Variants in SEZ6L observed in about 807,000 individuals in gnomAD.
SEZ6L encodes the protein seizure 6-like protein.
In SEZ6L, 37 loss-of-function variants were observed where a neutral mutation model predicts 106.2. That is an observed-to-expected ratio of 0.35 (90% CI 0.27 to 0.46). The LOEUF (loss-of-function observed/expected upper bound fraction) is 0.46. Ranked by LOEUF, SEZ6L falls within the 20% of genes least tolerant of loss-of-function variation. The pLI is 1.00. For missense variants in SEZ6L, 1,172 were observed against 1,332.8 expected, an observed-to-expected ratio of 0.88 and a Z score of 1.88; for synonymous variants, 541 against 570.4, an observed-to-expected ratio of 0.95 and a Z score of 0.73.
At chr22:26,367,504 C>T (rs1164570631) in intron 13 of SEZ6L, among the ~76,000 whole-genome samples, 1 of 151,920 alleles carries the variant, frequency 6.6e-6, no homozygotes. Context: ...CCACCACGCC[C>T]AGCTAAATTT....
Position 26,342,516 on chromosome 22 carries a change from C to G in SEZ6L, c.2212+1884C>G, listed in dbSNP as rs374740279. 3.9e-3 allele frequency among the ~76,000 whole-genome samples: 570 copies of G among 147,802 alleles called. 5 individuals carry two copies. Among genetic ancestry groups the G allele is most frequent in the African/African-American group, 0.014 (546 of 38,314 alleles). ...CATCCTGGCTAACACAGTGAAACCC[C>G]GTCTCTACTAAAAATACAAAAAAAA... On this transcript the variant is annotated intron_variant, in intron 10 of 16. Transcript: ENST00000248933.
At chr22:26,193,723 T>C (rs529831825) in intron 1 of SEZ6L, among the ~76,000 whole-genome samples, 21 of 152,320 alleles carry the variant, frequency 1.4e-4, no homozygotes, top group Middle Eastern at 3.4e-3. Context: ...GTCTCCATGA[T>C]ATACAGACTT....
rs548760895 is a variant in SEZ6L at position 26,331,223 on chromosome 22, AGAT to A, written c.2016-9211_2016-9209del. Among the ~76,000 whole-genome samples the A allele has an allele frequency of 3.9e-5, 6 of 152,304 alleles. No individual in the cohort carries two copies. The East Asian group carries it at 1.2e-3, about 29-fold the overall frequency. ...GTGAGCAGCAGGATTACATAACCAGAGATGGGTTCGCTGGTCTGTGTCAGATTC... is the reference window on the plus strand; with the variant it reads ...GTGAGCAGCAGGATTACATAACCAGAGGGTTCGCTGGTCTGTGTCAGATTC... On this transcript the variant is annotated intron_variant, in intron 9 of 16. Coordinates refer to ENST00000248933, the MANE Select transcript of SEZ6L (RefSeq NM_021115.5).
chr22:26,173,437 C>T (rs2123759301), intron 1 of SEZ6L, among the ~76,000 whole-genome samples: 1 of 152,342 alleles, frequency 6.6e-6, no homozygotes, highest in Admixed American at 6.5e-5. Flanking sequence ...ACACCCTTCC[C>T]TTCCAAACTC....
chr22:26,219,826 A>G (rs1225666073), intron 1 of SEZ6L, among the ~76,000 whole-genome samples: 1 of 152,228 alleles, frequency 6.6e-6, no homozygotes, highest in Non-Finnish European at 1.5e-5. Flanking sequence ...GAGTATCAGG[A>G]TAAATAGCTA....
rs369914459 is a variant in SEZ6L at position 26,378,969 on chromosome 22, AT to A, written c.3045+1195del. On this transcript the variant is annotated intron_variant, in intron 16 of 16. Transcript: ENST00000248933. ...ATACATTTATTATCTCATAGTTTCT[AT>A]AAGTCAGGAAGCCAGGCACAGCTTA... is the stretch of plus-strand genomic sequence containing the variant. Among the ~76,000 whole-genome samples the A allele has an allele frequency of 3.2e-3, 488 of 152,308 alleles. 2 individuals are homozygous for A. The highest frequency in any genetic ancestry group is 0.011 in the African/African-American group (458 of 41,562).
At chr22:26,233,223 G>C (rs2078855323) in intron 1 of SEZ6L, among the ~76,000 whole-genome samples, 1 of 152,198 alleles carries the variant, frequency 6.6e-6, no homozygotes, top group African/African-American at 2.4e-5. Context: ...GCCTTTCCCT[G>C]TCTCCAGCAG....
At chr22:26,264,070 AG>A (rs1262377288) in intron 1 of SEZ6L, among the ~76,000 whole-genome samples, 1 of 152,262 alleles carries the variant, frequency 6.6e-6, no homozygotes, top group African/African-American at 2.4e-5. Flanking sequence ...CAACATGGAC[AG>A]CTAAGATTAT....
intron 1 of SEZ6L, among the ~76,000 whole-genome samples, chr22:26,226,080 G>A (rs932062329): frequency 2.4e-4 from 37 of 152,074 alleles, no homozygotes; most frequent in Non-Finnish European, 5.1e-4. Context: ...CCACCACCCT[G>A]GTCTAAGCCA....
intron 13 of SEZ6L, 37 bp downstream of exon 13, chr22:26,365,603 C>T (rs1034242102): frequency 6.4e-7 from 1 of 1,562,010 alleles, no homozygotes; most frequent in African/African-American, 1.4e-5. Context: ...GTCCACGGGG[C>T]CTGGAGATGT....
chr22:26,227,084 C>T (rs1006255621), intron 1 of SEZ6L, among the ~76,000 whole-genome samples: 11 of 152,088 alleles, frequency 7.2e-5, no homozygotes, highest in Non-Finnish European at 1.2e-4. Flanking sequence ...ACATGTGCAC[C>T]GTGTCTATTT....
chr22:26,376,206 GAAA>G lies in SEZ6L; in HGVS notation c.2942+526_2942+528del, dbSNP rs35615266. Among the ~76,000 whole-genome samples, 1,014 of 149,244 alleles carry G rather than the reference GAAA, an allele frequency of 6.8e-3. 10 individuals carry two copies. The highest frequency in any genetic ancestry group is 0.024 in the African/African-American group (968 of 40,728). ...CTCGGTTCCAGAAACATCATTTGTG[GAAA>G]AAAAAAAATAGAAGGAAATATTTGC... On this transcript the variant is annotated intron_variant, in intron 15 of 16. Coordinates refer to ENST00000248933, the MANE Select transcript of SEZ6L (RefSeq NM_021115.5).
intron 3 of SEZ6L, 114 bp from the exon 4 acceptor site, chr22:26,296,774 G>T (rs2081313580): frequency 3.4e-6 from 3 of 870,254 alleles, no homozygotes; most frequent in Non-Finnish European, 4.9e-6. Flanking sequence ...GGGTCCCGTT[G>T]ACCAGGGGCT....
At chr22:26,223,104 T>C (rs9613132) in intron 1 of SEZ6L, among the ~76,000 whole-genome samples, 38,590 of 152,050 alleles carry the variant, frequency 0.25, 5,127 homozygotes, top group Middle Eastern at 0.32. Flanking sequence ...ACCTCCACCG[T>C]AGGAGTTGTA....
At chr22:26,188,591 G>A (rs1939959141) in intron 1 of SEZ6L, among the ~76,000 whole-genome samples, 1 of 152,204 alleles carries the variant, frequency 6.6e-6, no homozygotes, top group South Asian at 2.1e-4. Context: ...ACTAAGTCAT[G>A]ATATAGTGCT....
chr22:26,309,584 C>T (rs569517759), intron 6 of SEZ6L, among the ~76,000 whole-genome samples: 2 of 151,638 alleles, frequency 1.3e-5, no homozygotes, highest in South Asian at 4.2e-4. Flanking sequence ...GTCCTGTTAA[C>T]TATTTTTTTT....
At chr22:26,252,988 G>C (rs1187791405) in intron 1 of SEZ6L, among the ~76,000 whole-genome samples, 1 of 152,202 alleles carries the variant, frequency 6.6e-6, no homozygotes, top group Non-Finnish European at 1.5e-5. Flanking sequence ...GTTCAACAAA[G>C]AGTAATATTA....
At chr22:26,336,887 G>A (rs1601535931) in intron 9 of SEZ6L, among the ~76,000 whole-genome samples, 1 of 152,136 alleles carries the variant, frequency 6.6e-6, no homozygotes, top group East Asian at 1.9e-4. Flanking sequence ...ATCATCTGAT[G>A]TCATTTGGCA....
rs557126293 is a variant in SEZ6L, at chr22:26,280,410, A to C, written c.95-11996A>C. Among the ~76,000 whole-genome samples, 6 of 152,278 alleles carry C rather than the reference A, an allele frequency of 3.9e-5. No individual in the cohort carries two copies. The South Asian group carries it at 1.2e-3, about 32-fold the overall frequency. On this transcript the variant is annotated intron_variant, in intron 1 of 16. Coordinates refer to ENST00000248933, the MANE Select transcript of SEZ6L (RefSeq NM_021115.5). Reference sequence around the variant, plus strand: ...TAGTTCATTTCTTGTGTATTCTTTCAAAGTTCCTTTATGCACAGGTAAACA... The same window carrying C: ...TAGTTCATTTCTTGTGTATTCTTTCCAAGTTCCTTTATGCACAGGTAAACA...
Sources: allele counts gnomAD v4.1 joint callset (sites outside exome capture counted in the v4.1 genomes callset), GRCh38; gene constraint gnomAD v4.1.1; transcripts MANE v1.5; gene names NCBI Gene and HGNC (gene_info 2026-07-23, HGNC 2026-07-21).